Variants in DOK4 observed in about 807,000 individuals in gnomAD.
The protein encoded by DOK4 is docking protein 4.
A neutral mutation model predicts 40.1 loss-of-function variants in DOK4; 26 were observed. The observed-to-expected ratio is 0.65, with a 90% CI of 0.48 to 0.90. The LOEUF (loss-of-function observed/expected upper bound fraction) is 0.90. Ranked by LOEUF, DOK4 falls within the 40% of genes least tolerant of loss-of-function variation. The pLI, the probability that DOK4 is intolerant of heterozygous loss-of-function variation, is 0.00. For synonymous variants in DOK4, 179 were observed against 177.0 expected (o/e 1.01, Z -0.09); for missense variants, 392 against 437.2 (o/e 0.90, Z 0.92).
intron 3 of DOK4, 73 bp from the exon 4 acceptor site, chr16:57,475,693 T>TCTCTCTCTCTCCCTCTCTCC (rs745889807): frequency 9.9e-5 from 48 of 483,712 alleles, no homozygotes; most frequent in Non-Finnish European, 1.6e-4. Flanking sequence ...TCTCTCTCTC[T>TCTCTCTCTCTCCCTCTCTCC]CTCCCTCCCT....
At chr16:57,473,914 T>C (rs1227029943) in exon 7 of DOK4, 6 of 1,597,988 alleles carry the variant, frequency 3.8e-6, no homozygotes, top group South Asian at 1.1e-5. Context: ...CACGTTCTTC[T>C]CCATTTCCAG....
At chr16:57,480,922 G>A (rs2031389608) in intron 1 of DOK4, among the ~76,000 whole-genome samples, 1 of 152,170 alleles carries the variant, frequency 6.6e-6, no homozygotes, top group Non-Finnish European at 1.5e-5. Flanking sequence ...TGGTGATGGA[G>A]ACCAGTCTGT....
exon 9 of DOK4, chr16:57,473,311 G>T: frequency 2.6e-6 from 4 of 1,552,760 alleles, no homozygotes; most frequent in East Asian, 4.5e-5. Context: ...GGCTGTCCAC[G>T]GTACACTGCA....
At chr16:57,477,639 G>C (rs1358521781) in intron 2 of DOK4, among the ~76,000 whole-genome samples, 1 of 152,172 alleles carries the variant, frequency 6.6e-6, no homozygotes, top group East Asian at 1.9e-4. Context: ...GGAGCCACGC[G>C]CTCAAGAGCC....
intron 1 of DOK4, among the ~76,000 whole-genome samples, chr16:57,482,161 G>A (rs1216784239): frequency 6.6e-6 from 1 of 151,216 alleles, no homozygotes; most frequent in Non-Finnish European, 1.5e-5. Context: ...ACTGCGCCCG[G>A]CCTTCTTTTT....
chr16:57,475,685 T>TCTCTCTCTCTC, intron 3 of DOK4, 65 bp from the exon 4 acceptor site: 1 of 873,106 alleles, frequency 1.1e-6, no homozygotes, highest in East Asian at 3.0e-5. Context: ...TCTCTCTCTC[T>TCTCTCTCTCTC]CTCTCTCTCT....
intron 2 of DOK4, among the ~76,000 whole-genome samples, chr16:57,478,159 C>G (rs933453801): frequency 6.6e-5 from 10 of 152,244 alleles, no homozygotes; most frequent in Non-Finnish European, 1.5e-4. Flanking sequence ...GTTCTGTGCT[C>G]CAAGTCAGTG....
At chr16:57,474,116 A>G (rs2031031558) in intron 6 of DOK4, 77 bp from the exon 7 acceptor site, 4 of 1,585,894 alleles carry the variant, frequency 2.5e-6, no homozygotes, top group Non-Finnish European at 3.4e-6. Flanking sequence ...CTCTCTTGCA[A>G]CTGCAAGTTG....
intron 1 of DOK4, among the ~76,000 whole-genome samples, chr16:57,482,648 T>C (rs1186508810): frequency 3.3e-5 from 5 of 152,098 alleles, no homozygotes; most frequent in African/African-American, 1.2e-4. Flanking sequence ...ATTACAGGCG[T>C]GAGCCACTGC....
chr16:57,487,284 C>T (rs1180021928), upstream of DOK4: 2 of 152,228 alleles, frequency 1.3e-5, no homozygotes, highest in Admixed American at 1.3e-4. Flanking sequence ...AGTCCCTGGA[C>T]CAGAAGCTTC....
At position 57,479,545 on chromosome 16, in the gene DOK4, G is replaced by A; in HGVS notation, c.-38C>T. On this transcript the variant is annotated 5_prime_UTR_variant, in exon 2 of 9. Transcript: ENST00000340099. This position sits in a 1 kb window ranked among gnomAD's most constrained non-coding sequence, Gnocchi z 5.8. ...TTTTAGGGGCGCGGGGCCTGGCAGA[G>A]GCGAGGGGAAGGATGCCCAGGTGCC... The A allele has an allele frequency of 6.2e-7, 1 of 1,610,690 alleles. No individual in the cohort carries two copies. The highest frequency in any genetic ancestry group is 1.3e-5 in the African/African-American group (1 of 75,006).
exon 3 of DOK4, chr16:57,475,953 T>A (rs1467266318): frequency 6.2e-7 from 1 of 1,612,158 alleles, no homozygotes; most frequent in Admixed American, 1.7e-5. Context: ...GCACCTCCGG[T>A]AGATCTGTGG....
chr16:57,479,393 C>CGGGCCCCCATCCCTTGGCA lies in DOK4; in HGVS notation c.66+30_66+48dup. On this transcript the variant is annotated intron_variant, in intron 2 of 8. Transcript: ENST00000340099. The surrounding 1 kb of genome is among the most constrained non-coding windows in gnomAD (Gnocchi z 5.8). ...GCCTCCAAGCCTGGGACCGAGTCCT[C>CGGGCCCCCATCCCTTGGCA]GGGCCCCCATCCCTTGGCAGGGCCC... 6.2e-7 allele frequency: 1 copy of CGGGCCCCCATCCCTTGGCA among 1,603,228 alleles called. No homozygotes were observed. The highest frequency in any genetic ancestry group is 8.5e-7 in the Non-Finnish European group (1 of 1,173,634).
intron 4 of DOK4, 40 bp downstream of exon 4, chr16:57,475,466 C>A (rs745527937): frequency 6.4e-7 from 1 of 1,555,440 alleles, no homozygotes; most frequent in South Asian, 1.1e-5. Flanking sequence ...ACCAAGACCA[C>A]CCCAGGGGAG....
At chr16:57,477,512 G>C (rs777237185) in intron 2 of DOK4, among the ~76,000 whole-genome samples, 2 of 152,222 alleles carry the variant, frequency 1.3e-5, no homozygotes, top group Non-Finnish European at 2.9e-5. Flanking sequence ...GGATGCTGCC[G>C]ACCCAGATAC....
In DOK4 at chr16:57,485,310, T is replaced by C. The variant is rs1031202706; in HGVS notation, c.-182+995A>G. Among the ~76,000 whole-genome samples the C allele has an allele frequency of 6.6e-6, 1 of 152,180 alleles. No individual in the cohort carries two copies. Among genetic ancestry groups the C allele is most frequent in the Non-Finnish European group, 1.5e-5 (1 of 68,016 alleles). On this transcript the variant is annotated intron_variant, in intron 1 of 8. Transcript: ENST00000340099. This position sits in a 1 kb window ranked among gnomAD's most constrained non-coding sequence, Gnocchi z 4.3. ...GGGGTGAGGTCATGCCCAGCCCTGC[T>C]GCCCTGCCCAGGAGGGAAGTGCTGG...
intron 1 of DOK4, among the ~76,000 whole-genome samples, chr16:57,482,707 G>A (rs986242786): frequency 1.3e-5 from 2 of 152,082 alleles, no homozygotes; most frequent in Non-Finnish European, 2.9e-5. Flanking sequence ...GGCTGGTCTT[G>A]AACTCCTGGG....
chr16:57,482,973 C>G (rs1456523922), intron 1 of DOK4, among the ~76,000 whole-genome samples: 1 of 152,214 alleles, frequency 6.6e-6, no homozygotes, highest in East Asian at 1.9e-4. Flanking sequence ...TCCATAGGCC[C>G]CACCCCGTCC....
At chr16:57,480,783 T>G (rs1265036687) in intron 1 of DOK4, among the ~76,000 whole-genome samples, 1 of 152,108 alleles carries the variant, frequency 6.6e-6, no homozygotes, top group East Asian at 1.9e-4. Flanking sequence ...GGAGGCTCAG[T>G]GTTGACCCAG....
Sources: gnomAD v4.1 joint callset for allele counts (sites outside exome capture counted in the v4.1 genomes callset) on GRCh38, gnomAD v4.1.1 for gene constraint, Gnocchi (gnomAD v3.1) non-coding constraint, MANE v1.5 for transcripts, NCBI Gene and HGNC (gene_info 2026-07-23, HGNC 2026-07-21) for gene names.